The following MAP7 variants were observed in gnomAD, a reference collection of about 807,000 sequenced individuals.
The protein encoded by MAP7 is ensconsin.
A neutral mutation model predicts 94.8 loss-of-function variants in MAP7; 52 were observed. The ratio of observed to expected loss-of-function variants is 0.55; its 90% CI spans 0.44 to 0.69. The LOEUF is 0.69. Among genes scored for constraint, MAP7 ranks in the 30% least tolerant of loss-of-function variants. The pLI is 0.00. For synonymous variants in MAP7, 350 were observed against 357.0 expected (o/e 0.98, Z 0.22); for missense variants, 940 against 964.6 (o/e 0.97, Z 0.34).
At chr6:136,406,926 C>A (rs1232955589) in intron 3 of MAP7, among the ~76,000 whole-genome samples, 1 of 152,192 alleles carries the variant, frequency 6.6e-6, no homozygotes, top group Non-Finnish European at 1.5e-5. Context: ...CTCTCAGTTA[C>A]TTCCTTTGGC....
Position 136,372,641 on chromosome 6 carries a change from T to TG in MAP7, c.752-17dup. The TG allele has an allele frequency of 6.2e-7, 1 of 1,613,908 alleles. No homozygotes were observed. On this transcript the variant is annotated splice_polypyrimidine_tract_variant and intron_variant, in intron 7 of 17. Coordinates refer to ENST00000354570, the MANE Select transcript of MAP7 (RefSeq NM_003980.6). ...CTGCAAGATGCTGAACGAGGACAAATGGGGATAACTAGGGTGCAGGTGATT... is the reference window on the plus strand; with the variant it reads ...CTGCAAGATGCTGAACGAGGACAAATGGGGGATAACTAGGGTGCAGGTGATT...
chr6:136,419,828 C>T (rs895288495), intron 2 of MAP7: 1 of 336,446 alleles, frequency 3.0e-6, no homozygotes, highest in Non-Finnish European at 5.7e-6. Flanking sequence ...AATTTTTGAT[C>T]CTGTAAGGGC....
chr6:136,386,619 A>G (rs1194623789), intron 5 of MAP7, among the ~76,000 whole-genome samples: 2 of 152,178 alleles, frequency 1.3e-5, no homozygotes, highest in Non-Finnish European at 2.9e-5. Flanking sequence ...TTACTGTATG[A>G]AAGGTATATA....
chr6:136,398,859 T>C (rs1220330811), intron 3 of MAP7, among the ~76,000 whole-genome samples: 2 of 152,174 alleles, frequency 1.3e-5, no homozygotes, highest in Non-Finnish European at 2.9e-5. Context: ...CTCAGTGCAC[T>C]CATGGGTTGT....
chr6:136,475,708 T>C (rs1490303293), intron 1 of MAP7, among the ~76,000 whole-genome samples: 7 of 151,990 alleles, frequency 4.6e-5, no homozygotes, highest in African/African-American at 9.7e-5. Context: ...AGAAGGTTGG[T>C]TTACTTTTTA....
chr6:136,516,025 G>A (rs759923119), intron 1 of MAP7, among the ~76,000 whole-genome samples: 1 of 152,140 alleles, frequency 6.6e-6, no homozygotes, highest in Non-Finnish European at 1.5e-5. Flanking sequence ...CATATTCATT[G>A]CTTTCTGCAA....
chr6:136,359,112 A>T (rs1322974877), intron 15 of MAP7, among the ~76,000 whole-genome samples: 1 of 152,212 alleles, frequency 6.6e-6, no homozygotes, highest in Non-Finnish European at 1.5e-5. Context: ...TCTGAGTATT[A>T]AGGCTAATTT....
rs544176553 is a variant in MAP7 at position 136,549,558 on chromosome 6, G to A, written c.67+784C>T. The stretch of plus-strand genomic sequence containing the variant: ...TGGGGACGTGATCCCCTGTCCCTAA[G>A]TGTGCCCCTGGAGGTTGTGGGGGAG... On this transcript the variant is annotated intron_variant, in intron 1 of 17. Transcript: ENST00000354570. Among the ~76,000 whole-genome samples the A allele has an allele frequency of 2.0e-5, 3 of 152,330 alleles. No individual in the cohort carries two copies. The South Asian group carries it at 6.2e-4, about 32-fold the overall frequency.
intron 15 of MAP7, among the ~76,000 whole-genome samples, chr6:136,357,886 G>GT (rs1399567412): frequency 1.3e-5 from 2 of 152,182 alleles, no homozygotes; most frequent in Non-Finnish European, 2.9e-5. Context: ...AGGCAGAAAG[G>GT]TAAGTGATAA....
chr6:136,383,820 T>C, intron 5 of MAP7, 39 bp from the exon 6 acceptor site: 4 of 1,229,618 alleles, frequency 3.3e-6, no homozygotes, highest in Non-Finnish European at 4.8e-6. Flanking sequence ...ACAGCCAACA[T>C]GTAGGATTGC....
At chr6:136,456,369 T>C (rs1027551202) in intron 1 of MAP7, among the ~76,000 whole-genome samples, 4 of 152,020 alleles carry the variant, frequency 2.6e-5, no homozygotes, top group African/African-American at 7.2e-5. Flanking sequence ...TATAAATGCC[T>C]ACATTAAAAA....
intron 15 of MAP7, among the ~76,000 whole-genome samples, chr6:136,358,684 G>A (rs1791667745): frequency 6.6e-6 from 1 of 152,184 alleles, no homozygotes; most frequent in Admixed American, 6.5e-5. Context: ...AGGTATTCCA[G>A]CCTTTGCTTT....
intron 1 of MAP7, among the ~76,000 whole-genome samples, chr6:136,465,458 T>C (rs1806691214): frequency 6.6e-6 from 1 of 152,204 alleles, no homozygotes; most frequent in Non-Finnish European, 1.5e-5. Context: ...TGAAAAGATA[T>C]GTAAACATGC....
At chr6:136,511,669 T>C (rs1823326339) in intron 1 of MAP7, among the ~76,000 whole-genome samples, 2 of 152,160 alleles carry the variant, frequency 1.3e-5, no homozygotes, top group African/African-American at 4.8e-5. Flanking sequence ...TATTTCCTAA[T>C]CCACAGAGCA....
chr6:136,512,331 G>A (rs1265482154), intron 1 of MAP7, among the ~76,000 whole-genome samples: 1 of 152,228 alleles, frequency 6.6e-6, no homozygotes, highest in Non-Finnish European at 1.5e-5. Flanking sequence ...TTTCCTTCAA[G>A]TTCTACAGAA....
intron 1 of MAP7, among the ~76,000 whole-genome samples, chr6:136,488,435 T>C (rs1304991823): frequency 6.6e-6 from 1 of 150,666 alleles, no homozygotes; most frequent in Non-Finnish European, 1.5e-5. Flanking sequence ...CTATGTGCCA[T>C]GCTAGGTACT....
chr6:136,395,355 T>C (rs191708898), intron 3 of MAP7, among the ~76,000 whole-genome samples: 1 of 152,140 alleles, frequency 6.6e-6, no homozygotes, highest in East Asian at 1.9e-4. Context: ...TGGTTATTTC[T>C]ATGTCTTCTT....
chr6:136,468,872 G>C (rs1377404043), intron 1 of MAP7, among the ~76,000 whole-genome samples: 1 of 152,172 alleles, frequency 6.6e-6, no homozygotes, highest in Non-Finnish European at 1.5e-5. Context: ...ATTCAGGCCA[G>C]TGCTGCCTGC....
chr6:136,529,528 T>C (rs541444712), intron 1 of MAP7, among the ~76,000 whole-genome samples: 121 of 152,292 alleles, frequency 7.9e-4, no homozygotes, highest in Non-Finnish European at 1.4e-3. Flanking sequence ...CCATGGGAAA[T>C]GGGCATGCAG....
Sources: allele counts gnomAD v4.1 joint callset (sites outside exome capture counted in the v4.1 genomes callset), GRCh38; gene constraint gnomAD v4.1.1; transcripts MANE v1.5; gene names NCBI Gene and HGNC (gene_info 2026-07-23, HGNC 2026-07-21).